Variants in KAZN observed in about 807,000 individuals in gnomAD.
The protein encoded by KAZN is kazrin.
Under a neutral mutation model 87.4 loss-of-function variants are expected in KAZN, and 40 were observed. That is an observed-to-expected ratio of 0.46 (90% CI 0.36 to 0.60). The LOEUF (loss-of-function observed/expected upper bound fraction) is 0.60. KAZN is among the 20% of genes least tolerant of loss of function. The probability of loss-of-function intolerance (pLI) is 0.00; values close to 1 mark genes in which losing one functional copy is unlikely to be tolerated. For missense variants in KAZN, 898 were observed against 1,073.9 expected (o/e 0.84, Z 2.29); for synonymous variants, 466 against 458.3 (o/e 1.02, Z -0.22).
At position 14,334,862 on chromosome 1, in the gene KAZN, G is replaced by A. The variant is rs568311768; in HGVS notation, c.249+154270G>A. ...CAGGACAAACGCAGAGGCAGACAGA[G>A]ACACAGACAGATGCAGAGAGAGAGA... On this transcript the variant is annotated intron_variant, in intron 2 of 16. Coordinates refer to the KAZN transcript ENST00000636203. 2.0e-5 allele frequency among the ~76,000 whole-genome samples: 3 copies of A among 152,266 alleles called. No homozygotes were observed. In the South Asian group the frequency reaches 6.2e-4, roughly 32 times the overall value.
chr1:14,399,896 T>TC (rs1663239928), intron 2 of KAZN, among the ~76,000 whole-genome samples: 1 of 152,214 alleles, frequency 6.6e-6, no homozygotes, highest in African/African-American at 2.4e-5. Context: ...AGATGGCATT[T>TC]ATACCCTGTT....
chr1:14,755,865 G>A (rs1286687249), intron 1 of KAZN, among the ~76,000 whole-genome samples: 4 of 152,160 alleles, frequency 2.6e-5, no homozygotes, highest in African/African-American at 4.8e-5. Context: ...GAATTAGCAG[G>A]CACACAAAGC....
At chr1:14,908,421 A>G (rs1282865265) in intron 1 of KAZN, among the ~76,000 whole-genome samples, 1 of 152,168 alleles carries the variant, frequency 6.6e-6, no homozygotes, top group Non-Finnish European at 1.5e-5. Context: ...AGGGGCCTGT[A>G]ATCCCAGCTC....
At position 14,184,207 on chromosome 1, in the gene KAZN, T is replaced by G. The variant is rs942785653; in HGVS notation, c.249+3615T>G. Among the ~76,000 whole-genome samples, 1 of 152,048 alleles carries G rather than the reference T, an allele frequency of 6.6e-6. No homozygotes were observed. Among genetic ancestry groups the G allele is most frequent in the Admixed American group, 6.6e-5 (1 of 15,260 alleles). On this transcript the variant is annotated intron_variant, in intron 2 of 16. Coordinates refer to the KAZN transcript ENST00000636203. The surrounding 1 kb of genome is among the most constrained non-coding windows in gnomAD (Gnocchi z 4.2). ...GCCCTTGTCTCCTCTTCCCTTTTCT[T>G]TTTGCTTTTCTTTGTCTTCTCCCTC...
At chr1:14,019,291 C>T (rs1640715415) in intron 1 of KAZN, among the ~76,000 whole-genome samples, 1 of 152,078 alleles carries the variant, frequency 6.6e-6, no homozygotes, top group Non-Finnish European at 1.5e-5. Flanking sequence ...ATTCCAATAC[C>T]CTATGATAAA....
chr1:14,394,489 T>C (rs1043934104), intron 2 of KAZN, among the ~76,000 whole-genome samples: 1 of 152,240 alleles, frequency 6.6e-6, no homozygotes, highest in South Asian at 2.1e-4. Context: ...TAAGTGATGG[T>C]ATTTGGTTGA....
At chr1:14,398,360 G>A (rs550399318) in intron 2 of KAZN, among the ~76,000 whole-genome samples, 5 of 152,346 alleles carry the variant, frequency 3.3e-5, no homozygotes, top group African/African-American at 1.2e-4. Flanking sequence ...TTTTGGGCAA[G>A]GCACCTCAAT....
chr1:14,784,765 A>G (rs1645454981), intron 1 of KAZN, among the ~76,000 whole-genome samples: 1 of 152,114 alleles, frequency 6.6e-6, no homozygotes, highest in African/African-American at 2.4e-5. Context: ...TCTCAAAAAA[A>G]AGTCATTCAA....
At chr1:14,409,621 G>A (rs765594855) in intron 2 of KAZN, among the ~76,000 whole-genome samples, 1 of 152,038 alleles carries the variant, frequency 6.6e-6, no homozygotes, top group Non-Finnish European at 1.5e-5. Context: ...AACACAAAAC[G>A]GCCAGAGAGA....
chr1:13,910,606 C>T (rs2697993), intron 1 of KAZN, among the ~76,000 whole-genome samples: 35 of 152,036 alleles, frequency 2.3e-4, no homozygotes, highest in Non-Finnish European at 4.3e-4. Flanking sequence ...TTGCAAGTTT[C>T]CTGAGGCTTC....
At chr1:14,883,557 C>T (rs192545989) in intron 1 of KAZN, among the ~76,000 whole-genome samples, 1 of 148,590 alleles carries the variant, frequency 6.7e-6, no homozygotes, top group Non-Finnish European at 1.5e-5. Flanking sequence ...TCTTCACACG[C>T]TCCTCCCATC....
At chr1:15,083,878 C>T (rs1194413704) in intron 8 of KAZN, among the ~76,000 whole-genome samples, 6 of 152,166 alleles carry the variant, frequency 3.9e-5, no homozygotes, top group Non-Finnish European at 7.3e-5. Flanking sequence ...CAAGAACAGG[C>T]GAGAGGGCTG....
intron 13 of KAZN, among the ~76,000 whole-genome samples, chr1:15,104,769 T>C (rs1009824754): frequency 2.0e-4 from 31 of 152,284 alleles, no homozygotes; most frequent in Admixed American, 1.4e-3. Flanking sequence ...TAGATGACCA[T>C]TTATTGAATA....
At chr1:14,167,479 C>A (rs1645855593) in intron 1 of KAZN, among the ~76,000 whole-genome samples, 1 of 152,090 alleles carries the variant, frequency 6.6e-6, no homozygotes, top group Non-Finnish European at 1.5e-5. Flanking sequence ...TCCCAGTACT[C>A]TGGGAGGACG....
chr1:14,514,361 AT>A (rs1399332988), intron 2 of KAZN, among the ~76,000 whole-genome samples: 1 of 24,182 alleles, frequency 4.1e-5, no homozygotes, highest in Non-Finnish European at 7.5e-5. Flanking sequence ...TATTATATAT[AT>A]ATTTATATAT....
At chr1:13,976,834 A>C (rs1402580111) in intron 1 of KAZN, among the ~76,000 whole-genome samples, 1 of 152,152 alleles carries the variant, frequency 6.6e-6, no homozygotes, top group Non-Finnish European at 1.5e-5. Flanking sequence ...GGAGAGATTA[A>C]AGCATCTCTC....
chr1:14,766,286 C>A (rs547373305), intron 1 of KAZN, among the ~76,000 whole-genome samples: 3 of 152,146 alleles, frequency 2.0e-5, no homozygotes, highest in Admixed American at 6.5e-5. Context: ...CCTGAGTGGA[C>A]ATGGATGCTG....
rs1280444113 is a variant in KAZN, at chr1:14,405,608, G to GTC, written c.250-193374_250-193373insCT. On this transcript the variant is annotated intron_variant, in intron 2 of 16. Coordinates refer to the KAZN transcript ENST00000636203. ...TCCAGAAAAACAGACCCAATAAAAT[G>GTC]TGTGTGTGTGTGTGTGTGTGTGTGT... 9.3e-3 allele frequency among the ~76,000 whole-genome samples: 919 copies of GTC among 98,374 alleles called. 12 individuals carry two copies. The highest frequency in any genetic ancestry group is 0.034 in the African/African-American group (893 of 26,214). The allele number at this position is 98,374 out of a possible 152,430, so 64.5% of individuals were successfully genotyped here.
Position 14,793,113 on chromosome 1 carries a change from G to A in KAZN, c.227-167571G>A, listed in dbSNP as rs1036917971. ...GGAGGCCACTGATGGCTTTCAGCAG[G>A]ATAGGAATGGACCCCCGACTTCGGT... On this transcript the variant is annotated intron_variant, in intron 1 of 14. Coordinates refer to ENST00000376030, the MANE Select transcript of KAZN (RefSeq NM_201628.3). 7.9e-5 allele frequency among the ~76,000 whole-genome samples: 12 copies of A among 152,306 alleles called. No individual in the cohort carries two copies. The South Asian group carries it at 2.5e-3, about 32-fold the overall frequency.
Sources: allele counts gnomAD v4.1 joint callset (sites outside exome capture counted in the v4.1 genomes callset), GRCh38; gene constraint gnomAD v4.1.1; non-coding constraint Gnocchi (gnomAD v3.1); transcripts MANE v1.5; gene names NCBI Gene and HGNC (gene_info 2026-07-23, HGNC 2026-07-21).